ASXL3: variants seen among roughly 807,000 people sequenced by gnomAD.
ASXL3 encodes the protein ASXL transcriptional regulator 3.
In ASXL3, 34 loss-of-function variants were observed where a neutral mutation model predicts 170.6. The observed-to-expected ratio is 0.20, with a 90% confidence interval of 0.15 to 0.27. The LOEUF (loss-of-function observed/expected upper bound fraction) is 0.27, where lower values mean the gene tolerates loss of function less well. Among genes scored for constraint, ASXL3 ranks in the 10% least tolerant of loss-of-function variants. ASXL3 has a pLI of 1.00. For synonymous variants in ASXL3, 1,002 were observed against 989.1 expected, an observed-to-expected ratio of 1.01 and a Z score of -0.24; for missense variants, 2,592 against 2,695.3, an observed-to-expected ratio of 0.96 and a Z score of 0.85.
In ASXL3 at chr18:33,745,020, C is replaced by T. The variant is rs745433143; in HGVS notation, c.5172C>T (p.Thr1724=). ...SPMEEAISLA[T]DALKRVPGAG... is the part of the protein sequence containing the mutation. ...TGGAAGAGGCTATTTCCTTGGCTAC[C>T]GATGCCCTGAAGAGAGTCCCTGGTG... The change falls in exon 12 of 12, where the codon ACC becomes ACT. Residue 1724 remains threonine (T), a synonymous_variant. Coordinates refer to ENST00000269197, the MANE Select transcript of ASXL3 (RefSeq NM_030632.3). The T allele has an allele frequency of 1.9e-5, 30 of 1,613,954 alleles. No individual in the cohort carries two copies. The highest frequency in any genetic ancestry group is 1.1e-4 in the South Asian group (10 of 91,080).
chr18:33,743,876 C>T lies in ASXL3; in HGVS notation c.4028C>T (p.Thr1343Ile), dbSNP rs2067713967. The change falls in exon 12 of 12, where the codon ACT (threonine) becomes ATT (isoleucine). Residue 1343 changes from threonine (T) to isoleucine (I), a missense_variant. By Grantham distance (89) the Thr-to-Ile change is moderately conservative (BLOSUM62 -1). Transcript: ENST00000269197. ...TCCACTCAGTACACCTCTGTGCCAA[C>T]TCCCTCCATCGGAAACAATTTGCCA... ...LVSTQYTSVP[T>I]PSIGNNLPNL... 2 of 1,614,036 alleles carry T rather than the reference C, an allele frequency of 1.2e-6. No individual in the cohort carries two copies. Among genetic ancestry groups the T allele is most frequent in the Non-Finnish European group, 1.7e-6 (2 of 1,179,890 alleles).
intron 8 of ASXL3, 37 bp from the exon 9 acceptor site, chr18:33,731,931 C>T (rs779333335): frequency 1.9e-6 from 3 of 1,571,108 alleles, no homozygotes; most frequent in South Asian, 1.1e-5. Context: ...TGACTTATTC[C>T]TGATGGAACC....
intron 8 of ASXL3, among the ~76,000 whole-genome samples, chr18:33,694,670 T>G (rs958687826): frequency 6.6e-6 from 1 of 152,150 alleles, no homozygotes; most frequent in African/African-American, 2.4e-5. Flanking sequence ...CTCAATTCTT[T>G]TGCATTTATG....
At chr18:33,623,766 G>A (rs1455260074) in intron 2 of ASXL3, among the ~76,000 whole-genome samples, 3 of 152,052 alleles carry the variant, frequency 2.0e-5, no homozygotes, top group African/African-American at 7.2e-5. Flanking sequence ...GTTAGAAAAG[G>A]GAGTCTAGTT....
chr18:33,642,233 A>C (rs2065855991), intron 2 of ASXL3, among the ~76,000 whole-genome samples: 1 of 151,948 alleles, frequency 6.6e-6, no homozygotes, highest in Non-Finnish European at 1.5e-5. Context: ...ATGTTGTCTA[A>C]GTTTTCTGTA....
intron 2 of ASXL3, among the ~76,000 whole-genome samples, chr18:33,615,517 A>G (rs1452304882): frequency 6.6e-6 from 1 of 152,210 alleles, no homozygotes; most frequent in Non-Finnish European, 1.5e-5. Flanking sequence ...ACAGACAGGA[A>G]ATGAGCACAT....
rs1243409955 is a variant in ASXL3, at chr18:33,581,288, TC to T, written c.54+2604del. 7.2e-5 allele frequency among the ~76,000 whole-genome samples: 11 copies of T among 152,318 alleles called. No homozygotes were observed. The East Asian group carries it at 2.1e-3, about 29-fold the overall frequency. ...GTTGTTGTTAGGGACTTTAGCCTTT[TC>T]TTCATCAAATATTAAATGAGGTGCC... On this transcript the variant is annotated intron_variant, in intron 1 of 11. Transcript: ENST00000269197.
chr18:33,719,771 A>G (rs769206182), intron 8 of ASXL3, among the ~76,000 whole-genome samples: 1 of 152,034 alleles, frequency 6.6e-6, no homozygotes, highest in Non-Finnish European at 1.5e-5. Flanking sequence ...GGCAACAGCA[A>G]GAAGACATCA....
rs748787361 is a variant in ASXL3, at chr18:33,743,054, AGGCTGCTGCAGCTGCTGCTGT to A, written c.3219_3239del (p.Ala1074_Ala1080del). 5 of 1,613,206 alleles carry A rather than the reference AGGCTGCTGCAGCTGCTGCTGT, an allele frequency of 3.1e-6. No homozygotes were observed. Among genetic ancestry groups the A allele is most frequent in the Admixed American group, 1.7e-5 (1 of 60,008 alleles). On this transcript the variant is annotated inframe_deletion, in exon 12 of 12. Transcript: ENST00000269197. ...GCCCAACAAGCTCGGGCCCAGCGAG[AGGCTGCTGCAGCTGCTGCTGT>A]GGCTGCTGCAGCGAGCATTGTCTCT... is the stretch of plus-strand genomic sequence containing the variant.
chr18:33,676,333 G>A (rs552052100), intron 7 of ASXL3, among the ~76,000 whole-genome samples: 2 of 151,526 alleles, frequency 1.3e-5, no homozygotes, highest in South Asian at 2.1e-4. Flanking sequence ...GACTGTTGAT[G>A]TAGGGTTTTT....
At chr18:33,660,958 A>G (rs911389012) in intron 4 of ASXL3, among the ~76,000 whole-genome samples, 6 of 152,202 alleles carry the variant, frequency 3.9e-5, no homozygotes, top group African/African-American at 1.2e-4. Flanking sequence ...TTGGAAGAAA[A>G]TGTCTTCTGT....
chr18:33,688,458 A>T (rs999072971), intron 8 of ASXL3, among the ~76,000 whole-genome samples: 3 of 152,224 alleles, frequency 2.0e-5, no homozygotes, highest in Admixed American at 6.5e-5. Flanking sequence ...GTTTTAAGAC[A>T]GTAGAAGATG....
intron 5 of ASXL3, among the ~76,000 whole-genome samples, chr18:33,668,502 A>G (rs967147781): frequency 6.6e-6 from 1 of 151,918 alleles, no homozygotes; most frequent in Non-Finnish European, 1.5e-5. Flanking sequence ...ACAGACACAT[A>G]ATGTGTGTCA....
intron 1 of ASXL3, among the ~76,000 whole-genome samples, chr18:33,595,064 A>G: frequency 6.6e-6 from 1 of 152,258 alleles, no homozygotes; most frequent in Admixed American, 6.5e-5. Context: ...TGTGGTCTAA[A>G]CTCTAAACTC....
chr18:33,720,527 A>T (rs1012853307), intron 8 of ASXL3, among the ~76,000 whole-genome samples: 2 of 152,094 alleles, frequency 1.3e-5, no homozygotes, highest in South Asian at 4.1e-4. Context: ...ATACAATTAT[A>T]AAACGTTGTC....
At chr18:33,697,165 C>T (rs62092425) in intron 8 of ASXL3, among the ~76,000 whole-genome samples, 7,984 of 152,004 alleles carry the variant, frequency 0.053, 245 homozygotes, top group Non-Finnish European at 0.06. Flanking sequence ...AGAACAAGAC[C>T]CTTTATGTGT....
intron 1 of ASXL3, among the ~76,000 whole-genome samples, chr18:33,584,600 A>G (rs1269559464): frequency 6.6e-6 from 1 of 152,124 alleles, no homozygotes; most frequent in Non-Finnish European, 1.5e-5. Flanking sequence ...ATTCTGTCTC[A>G]TGTTCTTTAC....
intron 8 of ASXL3, among the ~76,000 whole-genome samples, chr18:33,684,963 G>C (rs573302982): frequency 1.3e-5 from 2 of 152,242 alleles, no homozygotes; most frequent in African/African-American, 4.8e-5. Context: ...CTGGATTGTA[G>C]GAAGAATGGT....
chr18:33,584,747 G>T (rs2065022065), intron 1 of ASXL3, among the ~76,000 whole-genome samples: 1 of 152,122 alleles, frequency 6.6e-6, no homozygotes, highest in African/African-American at 2.4e-5. Context: ...AACTGTCTCT[G>T]AGAGTGGTTT....
Sources: allele counts gnomAD v4.1 joint callset (sites outside exome capture counted in the v4.1 genomes callset), GRCh38; gene constraint gnomAD v4.1.1; transcripts MANE v1.5; gene names NCBI Gene and HGNC (gene_info 2026-07-23, HGNC 2026-07-21).